SNTG1: variants seen among roughly 807,000 people sequenced by gnomAD.
SNTG1 encodes syntrophin gamma 1, also known as gamma-1-syntrophin.
A neutral mutation model predicts 74.7 loss-of-function variants in SNTG1; 39 were observed. The ratio of observed to expected loss-of-function variants is 0.52; its 90% CI spans 0.40 to 0.68. The LOEUF (loss-of-function observed/expected upper bound fraction) is 0.68, where lower values mean the gene tolerates loss of function less well. Ranked by LOEUF, SNTG1 falls within the 30% of genes least tolerant of loss-of-function variation. The pLI, the probability that SNTG1 is intolerant of heterozygous loss-of-function variation, is 0.00. For synonymous variants in SNTG1, 254 were observed against 217.1 expected (o/e 1.17, Z -1.49); for missense variants, 685 against 609.5 (o/e 1.12, Z -1.30).
intron 1 of SNTG1, among the ~76,000 whole-genome samples, chr8:49,936,306 A>C (rs987924080): frequency 1.3e-5 from 2 of 152,128 alleles, no homozygotes; most frequent in African/African-American, 4.8e-5. Context: ...TGGCTCCTCT[A>C]TCTGCTTTGA....
At chr8:50,610,193 G>A (rs1411196798) in intron 13 of SNTG1, among the ~76,000 whole-genome samples, 1 of 152,108 alleles carries the variant, frequency 6.6e-6, no homozygotes, top group African/African-American at 2.4e-5. Flanking sequence ...TGATGTCTAT[G>A]TATTTTAATT....
chr8:50,401,621 A>G lies in SNTG1; in HGVS notation c.28-589A>G, dbSNP rs549403102. ...TGTGTGTGTATGTGAGTGCGTGTTCATGCAAGTCTGTGCATGTGTGTATGC... is the reference window on the plus strand; with the variant it reads ...TGTGTGTGTATGTGAGTGCGTGTTCGTGCAAGTCTGTGCATGTGTGTATGC... On this transcript the variant is annotated intron_variant, in intron 3 of 18. Coordinates refer to ENST00000642720, the MANE Select transcript of SNTG1 (RefSeq NM_018967.5). Among the ~76,000 whole-genome samples the G allele has an allele frequency of 9.1e-3, 1,377 of 152,134 alleles. 27 individuals carry two copies. Among genetic ancestry groups the G allele is most frequent in the African/African-American group, 0.031 (1,305 of 41,504 alleles).
intron 11 of SNTG1, among the ~76,000 whole-genome samples, chr8:50,538,255 G>A (rs1324295517): frequency 5.3e-5 from 8 of 151,890 alleles, no homozygotes; most frequent in Non-Finnish European, 1.2e-4. Context: ...CACTATATCG[G>A]GTGGTATTAT....
chr8:50,042,917 A>C (rs991922518), intron 1 of SNTG1, among the ~76,000 whole-genome samples: 5 of 152,206 alleles, frequency 3.3e-5, no homozygotes, highest in African/African-American at 4.8e-5. Context: ...ATAATTGTCT[A>C]TTTAGCAATT....
chr8:50,091,336 C>A (rs2079729447), intron 1 of SNTG1, among the ~76,000 whole-genome samples: 1 of 151,844 alleles, frequency 6.6e-6, no homozygotes, highest in Admixed American at 6.6e-5. Context: ...ACTCTTTTAG[C>A]AAACTTCCAG....
intron 1 of SNTG1, among the ~76,000 whole-genome samples, chr8:50,051,033 AT>A (rs1382333813): frequency 6.6e-6 from 1 of 152,052 alleles, no homozygotes; most frequent in African/African-American, 2.4e-5. Flanking sequence ...TCCACATCTA[AT>A]TCATCCTTAT....
At chr8:50,180,155 C>T (rs1057256487) in intron 2 of SNTG1, among the ~76,000 whole-genome samples, 6 of 152,156 alleles carry the variant, frequency 3.9e-5, no homozygotes, top group African/African-American at 9.7e-5. Context: ...GAGGATATTA[C>T]ACTAAGTGAA....
chr8:50,292,543 T>C (rs565657965), intron 2 of SNTG1, among the ~76,000 whole-genome samples: 2 of 152,240 alleles, frequency 1.3e-5, no homozygotes, highest in South Asian at 2.1e-4. Context: ...AGAATACTTA[T>C]AGAAATACCT....
chr8:49,921,428 AT>A (rs1355975878), intron 1 of SNTG1, among the ~76,000 whole-genome samples: 1 of 152,080 alleles, frequency 6.6e-6, no homozygotes, highest in Non-Finnish European at 1.5e-5. Context: ...GATTAACATA[AT>A]GTTTGGACTG....
chr8:50,560,855 T>C (rs1463768896), intron 12 of SNTG1, among the ~76,000 whole-genome samples: 1 of 152,024 alleles, frequency 6.6e-6, no homozygotes, highest in East Asian at 1.9e-4. Flanking sequence ...CCTACACATG[T>C]TCCCCAGAAC....
At chr8:50,553,212 G>T (rs978810573) in intron 12 of SNTG1, 33 bp downstream of exon 12, 1 of 1,612,438 alleles carries the variant, frequency 6.2e-7, no homozygotes, top group Non-Finnish European at 8.5e-7. Flanking sequence ...CCTAGCCAGG[G>T]TTTCTCAGGC....
At chr8:50,321,835 C>T (rs560576795) in intron 2 of SNTG1, among the ~76,000 whole-genome samples, 47 of 152,052 alleles carry the variant, frequency 3.1e-4, no homozygotes, top group African/African-American at 1.1e-3. Context: ...TAACTTTGTT[C>T]CCCCAATTTT....
At chr8:49,944,613 G>C (rs1325780178) in intron 1 of SNTG1, among the ~76,000 whole-genome samples, 1 of 148,138 alleles carries the variant, frequency 6.8e-6, no homozygotes, top group African/African-American at 2.5e-5. Context: ...AGCATTAGGA[G>C]ATATACCTAA....
At chr8:50,640,722 C>T (rs2095067288) in intron 13 of SNTG1, among the ~76,000 whole-genome samples, 1 of 152,116 alleles carries the variant, frequency 6.6e-6, no homozygotes, top group African/African-American at 2.4e-5. Context: ...TCTTGATCTG[C>T]TCTTCTTTGA....
intron 1 of SNTG1, among the ~76,000 whole-genome samples, chr8:49,992,462 T>C (rs776320511): frequency 6.6e-6 from 1 of 152,182 alleles, no homozygotes; most frequent in South Asian, 2.1e-4. Context: ...TACAGAAATT[T>C]GCACACTTGA....
At chr8:50,157,074 G>A (rs1190900655) in intron 1 of SNTG1, among the ~76,000 whole-genome samples, 2 of 152,066 alleles carry the variant, frequency 1.3e-5, no homozygotes, top group African/African-American at 4.8e-5. Flanking sequence ...TTGCTACTCA[G>A]CAATACAAAG....
At position 49,990,888 on chromosome 8, in the gene SNTG1, G is replaced by A. The variant is rs147627417; in HGVS notation, c.-103+78657G>A. Among the ~76,000 whole-genome samples the A allele has an allele frequency of 2.3e-3, 343 of 152,232 alleles. 2 individuals are homozygous for A. Among genetic ancestry groups the A allele is most frequent in the African/African-American group, 7.8e-3 (323 of 41,550 alleles). On this transcript the variant is annotated intron_variant, in intron 1 of 18. Coordinates refer to ENST00000642720, the MANE Select transcript of SNTG1 (RefSeq NM_018967.5). ...TCTTCATGATGGTGTGTTATGGGAA[G>A]ACTTCTTAGATATGGCCAATAAGCT...
chr8:50,023,605 A>C (rs2130697744), intron 1 of SNTG1, among the ~76,000 whole-genome samples: 1 of 152,274 alleles, frequency 6.6e-6, no homozygotes, highest in East Asian at 1.9e-4. Flanking sequence ...CTGAAATTTT[A>C]GTAGGCTGCT....
At chr8:50,629,157 G>T (rs928203314) in intron 13 of SNTG1, among the ~76,000 whole-genome samples, 1 of 152,118 alleles carries the variant, frequency 6.6e-6, no homozygotes, top group Non-Finnish European at 1.5e-5. Context: ...ACAGCATGAG[G>T]ACTATACTTA....
Sources: gnomAD v4.1 joint callset for allele counts (sites outside exome capture counted in the v4.1 genomes callset) on GRCh38, gnomAD v4.1.1 for gene constraint, MANE v1.5 for transcripts, NCBI Gene and HGNC (gene_info 2026-07-23, HGNC 2026-07-21) for gene names.